SDHAF3: variants seen among roughly 807,000 people sequenced by gnomAD.
SDHAF3 encodes the protein succinate dehydrogenase complex assembly factor 3.
A neutral mutation model predicts 11.5 loss-of-function variants in SDHAF3; 18 were observed. The ratio of observed to expected loss-of-function variants is 1.56; its 90% confidence interval spans 1.08 to 2.32. The LOEUF (loss-of-function observed/expected upper bound fraction) is 2.32, where lower values mean the gene tolerates loss of function less well. Ranked by LOEUF, SDHAF3 falls within the 30% of genes most tolerant of loss-of-function variation. The pLI is 0.00. For synonymous variants in SDHAF3, 72 were observed against 59.3 expected (o/e 1.21, Z -0.99); for missense variants, 200 against 154.4 (o/e 1.30, Z -1.57).
chr7:97,121,972 C>A (rs555124725), intron 1 of SDHAF3, among the ~76,000 whole-genome samples: 23 of 152,050 alleles, frequency 1.5e-4, no homozygotes, highest in African/African-American at 5.1e-4. Context: ...ATTCTCCTGC[C>A]TCAGCCTCCT....
chr7:97,118,651 A>G (rs1168596147), intron 1 of SDHAF3, among the ~76,000 whole-genome samples: 1 of 152,036 alleles, frequency 6.6e-6, no homozygotes, highest in African/African-American at 2.4e-5. Flanking sequence ...GCAAATATAA[A>G]TAAATGAATG....
At chr7:97,134,116 A>G (rs1351073275) in intron 1 of SDHAF3, among the ~76,000 whole-genome samples, 1 of 152,192 alleles carries the variant, frequency 6.6e-6, no homozygotes, top group African/African-American at 2.4e-5. Flanking sequence ...AAAGCTCAGA[A>G]TGGCAGCAGA....
At chr7:97,158,141 C>G (rs1415490824) in intron 1 of SDHAF3, among the ~76,000 whole-genome samples, 1 of 151,732 alleles carries the variant, frequency 6.6e-6, no homozygotes, top group Non-Finnish European at 1.5e-5. Flanking sequence ...AAAAAAAATA[C>G]AATCATTGCT....
intron 1 of SDHAF3, among the ~76,000 whole-genome samples, chr7:97,152,897 CTCCCGCCAT>C (rs1191898077): frequency 6.6e-6 from 1 of 152,208 alleles, no homozygotes; most frequent in African/African-American, 2.4e-5. Flanking sequence ...AAGCAATGGT[CTCCCGCCAT>C]GCCCGCCATG....
intron 1 of SDHAF3, among the ~76,000 whole-genome samples, chr7:97,136,015 A>G (rs1002815496): frequency 1.3e-5 from 2 of 151,966 alleles, no homozygotes; most frequent in Non-Finnish European, 1.5e-5. Context: ...TTAAAGAAGA[A>G]TTTGGTAGGT....
chr7:97,166,187 T>C (rs533815105), intron 1 of SDHAF3, among the ~76,000 whole-genome samples: 1 of 152,278 alleles, frequency 6.6e-6, no homozygotes, highest in East Asian at 1.9e-4. Flanking sequence ...ATTAACTTAG[T>C]AGTTTTTTGT....
At chr7:97,174,440 A>G (rs901873510) in intron 1 of SDHAF3, among the ~76,000 whole-genome samples, 1 of 152,220 alleles carries the variant, frequency 6.6e-6, no homozygotes, top group African/African-American at 2.4e-5. Flanking sequence ...TATATTGTTA[A>G]TTAAACTACA....
intron 1 of SDHAF3, among the ~76,000 whole-genome samples, chr7:97,127,131 C>T (rs1262816933): frequency 1.3e-5 from 2 of 152,170 alleles, no homozygotes; most frequent in Non-Finnish European, 2.9e-5. Context: ...GGGCTGCACC[C>T]ACTGCCTAAC....
chr7:97,136,783 A>G (rs1320277525), intron 1 of SDHAF3, among the ~76,000 whole-genome samples: 1 of 152,174 alleles, frequency 6.6e-6, no homozygotes, highest in Non-Finnish European at 1.5e-5. Flanking sequence ...TTCACTTACT[A>G]CTTACTATTG....
At chr7:97,175,466 T>C (rs1181281404) in intron 1 of SDHAF3, among the ~76,000 whole-genome samples, 1 of 152,216 alleles carries the variant, frequency 6.6e-6, no homozygotes, top group East Asian at 1.9e-4. Flanking sequence ...TCGTGAGTTC[T>C]CATCATTTAG....
At chr7:97,174,760 A>C (rs1019631360) in intron 1 of SDHAF3, among the ~76,000 whole-genome samples, 1 of 152,248 alleles carries the variant, frequency 6.6e-6, no homozygotes, top group Non-Finnish European at 1.5e-5. Context: ...ATCGGGAGGT[A>C]CATGAGGGCA....
At chr7:97,152,050 A>G (rs1485181764) in intron 1 of SDHAF3, among the ~76,000 whole-genome samples, 2 of 152,142 alleles carry the variant, frequency 1.3e-5, no homozygotes, top group East Asian at 1.9e-4. Context: ...AGTTTAGACA[A>G]ATGTATAACG....
At chr7:97,141,433 A>G (rs975655995) in intron 1 of SDHAF3, among the ~76,000 whole-genome samples, 1 of 152,178 alleles carries the variant, frequency 6.6e-6, no homozygotes, top group African/African-American at 2.4e-5. Context: ...ACCTGCCAAC[A>G]TGTGATGTCT....
intron 1 of SDHAF3, among the ~76,000 whole-genome samples, chr7:97,121,632 T>C (rs937192953): frequency 6.6e-6 from 1 of 152,178 alleles, no homozygotes; most frequent in Non-Finnish European, 1.5e-5. Flanking sequence ...GTTCAAAGTT[T>C]AGTAGAAAAG....
chr7:97,181,051 A>G lies in SDHAF3; in HGVS notation c.214A>G (p.Arg72Gly). 1 of 1,614,042 alleles carries G rather than the reference A, an allele frequency of 6.2e-7. No homozygotes were observed. Among genetic ancestry groups the G allele is most frequent in the Non-Finnish European group, 8.5e-7 (1 of 1,179,942 alleles). Reference sequence around the variant, plus strand: ...GTTATTGCAACAGGCTAACGAAAACAGACAAAATTCAACTGGAAAAGCATG... The same window carrying G: ...GTTATTGCAACAGGCTAACGAAAACGGACAAAATTCAACTGGAAAAGCATG... ...TALLQQANEN[R>G]QNSTGKACFG... The change falls in exon 2 of 2, where the codon AGA (arginine) becomes GGA (glycine). Residue 72 changes from arginine (R) to glycine (G), a missense_variant. Coordinates refer to ENST00000432641, the MANE Select transcript of SDHAF3 (RefSeq NM_020186.3).
chr7:97,126,747 C>T (rs1352847459), intron 1 of SDHAF3, among the ~76,000 whole-genome samples: 2 of 151,762 alleles, frequency 1.3e-5, no homozygotes, highest in African/African-American at 4.8e-5. Context: ...GGGAGTGGGA[C>T]CTGCTGAGCG....
intron 1 of SDHAF3, among the ~76,000 whole-genome samples, chr7:97,146,113 T>TC (rs60648502): frequency 0.021 from 3,121 of 151,158 alleles, 46 homozygotes; most frequent in South Asian, 0.037. Flanking sequence ...AAATAGGCTT[T>TC]CCCCCCCCCA....
chr7:97,161,126 C>T (rs62499474), intron 1 of SDHAF3, among the ~76,000 whole-genome samples: 23,132 of 152,060 alleles, frequency 0.15, 2,121 homozygotes, highest in Non-Finnish European at 0.21. Flanking sequence ...CCCAATCAGC[C>T]ACTCAGTCAC....
chr7:97,159,366 T>C (rs1789361755), intron 1 of SDHAF3, among the ~76,000 whole-genome samples: 1 of 152,242 alleles, frequency 6.6e-6, no homozygotes, highest in Admixed American at 6.5e-5. Flanking sequence ...CAAAGCTTTA[T>C]TCACCAGAGC....
Sources: allele counts gnomAD v4.1 joint callset (sites outside exome capture counted in the v4.1 genomes callset), GRCh38; gene constraint gnomAD v4.1.1; transcripts MANE v1.5; gene names NCBI Gene and HGNC (gene_info 2026-07-23, HGNC 2026-07-21).